The following SMARCC1 variants were observed in gnomAD, a reference collection of about 807,000 sequenced individuals.
SMARCC1 encodes the protein SWI/SNF related BAF chromatin remodeling complex subunit C1, also known as SWI/SNF complex subunit SMARCC1.
In SMARCC1, 43 loss-of-function variants were observed where a neutral mutation model predicts 147.4. The observed-to-expected ratio is 0.29, with a 90% CI of 0.23 to 0.38. The LOEUF is 0.38. Among genes scored for constraint, SMARCC1 ranks in the 10% least tolerant of loss-of-function variants. The pLI, the probability that SMARCC1 is intolerant of heterozygous loss-of-function variation, is 1.00. For missense variants in SMARCC1, 1,119 were observed against 1,381.1 expected, an observed-to-expected ratio of 0.81 and a Z score of 3.01; for synonymous variants, 495 against 484.4, an observed-to-expected ratio of 1.02 and a Z score of -0.29.
chr3:47,664,003 C>A, intron 19 of SMARCC1: 1 of 865,304 alleles, frequency 1.2e-6, no homozygotes, highest in South Asian at 1.8e-5. Flanking sequence ...CTGGCCCTAC[C>A]ATGGGACTTA....
intron 2 of SMARCC1, among the ~76,000 whole-genome samples, chr3:47,749,691 A>ACACACACACACACACACACACACACAC (rs71070223): frequency 6.7e-6 from 1 of 149,734 alleles, no homozygotes. Flanking sequence ...ACACACACAC[A>ACACACACACACACACACACACACACAC]AAGTGAGACC....
chr3:47,748,142 T>C (rs2034587125), intron 2 of SMARCC1, among the ~76,000 whole-genome samples: 2 of 152,144 alleles, frequency 1.3e-5, no homozygotes, highest in Non-Finnish European at 2.9e-5. Flanking sequence ...ACAGTGAGAC[T>C]GTCTCAACAA....
At chr3:47,683,825 T>C (rs13063042) in intron 14 of SMARCC1, among the ~76,000 whole-genome samples, 90,136 of 151,674 alleles carry the variant, frequency 0.59, 27,998 homozygotes, top group East Asian at 0.72. Context: ...AACATCTATT[T>C]GGAGTGGTAA....
chr3:47,639,554 A>G (rs1186866756), intron 21 of SMARCC1, among the ~76,000 whole-genome samples: 1 of 152,114 alleles, frequency 6.6e-6, no homozygotes, highest in African/African-American at 2.4e-5. Context: ...TCTACTAAAA[A>G]TACAAAAAAA....
At position 47,729,010 on chromosome 3, in the gene SMARCC1, G is replaced by A. The variant is rs1411757326; in HGVS notation, c.646+15C>T. On this transcript the variant is annotated intron_variant, in intron 6 of 27. Coordinates refer to ENST00000254480, the MANE Select transcript of SMARCC1 (RefSeq NM_003074.4). ...ATGTATGAGCTCATCTGTTCACAAC[G>A]CAAAACTAACTTACCATCGTCTTGT... The A allele has an allele frequency of 8.8e-6, 14 of 1,587,846 alleles. No individual in the cohort carries two copies. The Middle Eastern group carries it at 5.0e-4, about 57-fold the overall frequency.
At chr3:47,698,901 T>C (rs1451438490) in intron 11 of SMARCC1, among the ~76,000 whole-genome samples, 1 of 152,194 alleles carries the variant, frequency 6.6e-6, no homozygotes, top group Admixed American at 6.5e-5. Flanking sequence ...TGTGATGATT[T>C]TCAACAAAGG....
At chr3:47,620,350 C>T (rs1576389682) in intron 25 of SMARCC1, among the ~76,000 whole-genome samples, 1 of 152,104 alleles carries the variant, frequency 6.6e-6, no homozygotes, top group East Asian at 1.9e-4. Context: ...GTAATCCCAG[C>T]TACTCGGGAG....
chr3:47,694,011 G>C (rs1348985002), intron 11 of SMARCC1, among the ~76,000 whole-genome samples: 1 of 152,070 alleles, frequency 6.6e-6, no homozygotes, highest in Non-Finnish European at 1.5e-5. Context: ...TATATCCTGA[G>C]AGTTTTTTAA....
intron 18 of SMARCC1, among the ~76,000 whole-genome samples, chr3:47,672,196 C>T (rs1211386638): frequency 3.3e-5 from 5 of 151,984 alleles, no homozygotes; most frequent in African/African-American, 1.2e-4. Context: ...GAATATACAG[C>T]TCAGGTCCCC....
chr3:47,682,201 G>A (rs780391259), intron 14 of SMARCC1, among the ~76,000 whole-genome samples: 14 of 151,458 alleles, frequency 9.2e-5, no homozygotes, highest in East Asian at 1.9e-4. Context: ...AGGCTGAGAC[G>A]GGAGAATGGC....
chr3:47,696,076 AAG>A (rs1491486019), intron 11 of SMARCC1, among the ~76,000 whole-genome samples: 2,530 of 120,040 alleles, frequency 0.021, 51 homozygotes, highest in Non-Finnish European at 0.025. Flanking sequence ...CAAAAAAAAA[AAG>A]GGGGGGGGGG....
At chr3:47,645,163 G>C in intron 21 of SMARCC1, among the ~76,000 whole-genome samples, 1 of 152,118 alleles carries the variant, frequency 6.6e-6, no homozygotes, top group Admixed American at 6.5e-5. Context: ...TATGGTCCCA[G>C]CTACAAAGGA....
chr3:47,653,375 C>T (rs551485469), intron 21 of SMARCC1, among the ~76,000 whole-genome samples: 1 of 152,272 alleles, frequency 6.6e-6, no homozygotes, highest in Admixed American at 6.5e-5. Flanking sequence ...CTTAAGGAAG[C>T]TTATTTTCCC....
intron 7 of SMARCC1, 83 bp downstream of exon 7, chr3:47,720,583 T>G: frequency 1.1e-6 from 1 of 935,686 alleles, no homozygotes; most frequent in Non-Finnish European, 1.7e-6. Context: ...AAATTGTCAC[T>G]ATTCAGAAAA....
chr3:47,695,594 C>G (rs1265737448), intron 11 of SMARCC1, among the ~76,000 whole-genome samples: 4 of 151,504 alleles, frequency 2.6e-5, no homozygotes, highest in African/African-American at 9.7e-5. Context: ...TGGTGAAACC[C>G]TGTCTCTACT....
At chr3:47,739,860 A>C (rs1443503004) in intron 3 of SMARCC1, among the ~76,000 whole-genome samples, 1 of 152,072 alleles carries the variant, frequency 6.6e-6, no homozygotes, top group African/African-American at 2.4e-5. Flanking sequence ...TGCTCTATAA[A>C]GCTAAGCCTA....
chr3:47,775,398 G>A (rs1318392192), intron 1 of SMARCC1, among the ~76,000 whole-genome samples: 2 of 149,942 alleles, frequency 1.3e-5, no homozygotes, highest in East Asian at 4.1e-4. Context: ...CTGACCTCGT[G>A]ATTCGCCTGC....
chr3:47,630,377 G>A (rs1413443949), intron 24 of SMARCC1, among the ~76,000 whole-genome samples: 1 of 152,182 alleles, frequency 6.6e-6, no homozygotes, highest in East Asian at 1.9e-4. Context: ...CACTTGCCCT[G>A]TCACTCACCT....
intron 13 of SMARCC1, among the ~76,000 whole-genome samples, chr3:47,688,257 T>C (rs2033752273): frequency 6.6e-6 from 1 of 150,878 alleles, no homozygotes; most frequent in South Asian, 2.1e-4. Context: ...CGAAACTCCA[T>C]CTCAAAAAAC....
Sources: allele counts gnomAD v4.1 joint callset (sites outside exome capture counted in the v4.1 genomes callset), GRCh38; gene constraint gnomAD v4.1.1; transcripts MANE v1.5; gene names NCBI Gene and HGNC (gene_info 2026-07-23, HGNC 2026-07-21).